The following PPP1R1C variants were observed in gnomAD, a reference collection of about 807,000 sequenced individuals.
The protein encoded by PPP1R1C is protein phosphatase 1 regulatory subunit 1C.
A neutral mutation model predicts 17.4 loss-of-function variants in PPP1R1C; 15 were observed. That is an observed-to-expected ratio of 0.86 (90% CI 0.58 to 1.33). The LOEUF (loss-of-function observed/expected upper bound fraction) is 1.33, where lower values mean the gene tolerates loss of function less well. PPP1R1C is among the 40% of genes most tolerant of loss of function. PPP1R1C has a pLI of 0.00. For missense variants in PPP1R1C, 143 were observed against 130.0 expected (o/e 1.10, Z -0.48); for synonymous variants, 35 against 43.1 (o/e 0.81, Z 0.73).
chr2:181,975,961 G>T (rs991165355), intron 2 of PPP1R1C, among the ~76,000 whole-genome samples: 8 of 151,462 alleles, frequency 5.3e-5, no homozygotes, highest in Admixed American at 1.3e-4. Context: ...TTTAAGAGAG[G>T]GTGTGAAAAA....
At chr2:182,065,965 G>A (rs1687971744) in intron 4 of PPP1R1C, among the ~76,000 whole-genome samples, 1 of 152,014 alleles carries the variant, frequency 6.6e-6, no homozygotes, top group Non-Finnish European at 1.5e-5. Context: ...CACTTTGCCT[G>A]TATCATTCTA....
At chr2:181,984,441 A>G (rs1214317359), upstream of PPP1R1C, among the ~76,000 whole-genome samples, 1 of 152,220 alleles carries the variant, frequency 6.6e-6, no homozygotes, top group Non-Finnish European at 1.5e-5. Context: ...TAATGATATC[A>G]ATTTAGATTT....
chr2:182,054,537 G>GA (rs1687624129), intron 2 of PPP1R1C, among the ~76,000 whole-genome samples: 1 of 151,110 alleles, frequency 6.6e-6, no homozygotes, highest in Non-Finnish European at 1.5e-5. Flanking sequence ...TATATGAATT[G>GA]AATTACACAG....
chr2:182,048,707 A>AT (rs923699554), intron 2 of PPP1R1C: 1 of 152,130 alleles, frequency 6.6e-6, no homozygotes, highest in Non-Finnish European at 1.5e-5. Flanking sequence ...CTTCTATGGA[A>AT]TTTTTTGTTT....
intron 4 of PPP1R1C, among the ~76,000 whole-genome samples, chr2:182,072,393 A>G (rs1688165651): frequency 6.6e-6 from 1 of 152,228 alleles, no homozygotes; most frequent in Admixed American, 6.5e-5. Context: ...AGATGTTTAT[A>G]ATACCTTACA....
chr2:181,981,591 C>T (rs758573037), upstream of PPP1R1C, among the ~76,000 whole-genome samples: 5 of 152,082 alleles, frequency 3.3e-5, no homozygotes, highest in Admixed American at 6.5e-5. Context: ...GGCCTCTTTG[C>T]CTCAATTAGG....
At chr2:182,000,106 C>T (rs1294026038) in intron 2 of PPP1R1C, among the ~76,000 whole-genome samples, 1 of 152,132 alleles carries the variant, frequency 6.6e-6, no homozygotes, top group African/African-American at 2.4e-5. Flanking sequence ...AGGTTTTGCA[C>T]GAGTAAGCAT....
chr2:182,095,510 G>C (rs570670293), intron 4 of PPP1R1C, among the ~76,000 whole-genome samples: 4 of 152,270 alleles, frequency 2.6e-5, no homozygotes, highest in Admixed American at 2.0e-4. Context: ...AATGTCAGCT[G>C]TCTTTTATTA....
intron 2 of PPP1R1C, among the ~76,000 whole-genome samples, chr2:182,013,007 AT>A (rs1006554823): frequency 6.6e-6 from 1 of 152,040 alleles, no homozygotes; most frequent in Non-Finnish European, 1.5e-5. Context: ...TGTAATTATA[AT>A]TTTTGATGGG....
intron 4 of PPP1R1C, among the ~76,000 whole-genome samples, chr2:182,095,063 G>A (rs983710398): frequency 2.6e-5 from 4 of 152,228 alleles, no homozygotes; most frequent in Admixed American, 2.0e-4. Context: ...GGCCGAGGCA[G>A]GCGGATCATG....
intron 1 of PPP1R1C, among the ~76,000 whole-genome samples, chr2:181,970,898 A>T (rs1684994780): frequency 6.6e-6 from 1 of 151,784 alleles, no homozygotes; most frequent in Non-Finnish European, 1.5e-5. Flanking sequence ...ACTGATGTTC[A>T]CTCAAGGCTC....
intron 2 of PPP1R1C, among the ~76,000 whole-genome samples, chr2:182,054,487 T>C (rs754345733): frequency 2.6e-5 from 4 of 152,184 alleles, no homozygotes; most frequent in Non-Finnish European, 4.4e-5. Flanking sequence ...ACTACTAATC[T>C]CTTCTCCATC....
rs950514734 is a variant in PPP1R1C, at chr2:182,051,085, G to T, written c.143-10357G>T. 2.6e-5 allele frequency among the ~76,000 whole-genome samples: 4 copies of T among 152,214 alleles called. No homozygotes were observed. The East Asian group carries it at 5.8e-4, about 22-fold the overall frequency. ...TCACCTGAATACTTTGAATTTCATGGAGGAAATTGATGGAGAAAGGTGCGG... is the reference window on the plus strand; with the variant it reads ...TCACCTGAATACTTTGAATTTCATGTAGGAAATTGATGGAGAAAGGTGCGG... On this transcript the variant is annotated intron_variant, in intron 2 of 4. Transcript: ENST00000682840.
chr2:181,987,856 T>C lies in PPP1R1C; in HGVS notation c.99T>C (p.Pro33=). 6.2e-7 allele frequency: 1 copy of C among 1,613,454 alleles called. No homozygotes were observed. Among genetic ancestry groups the C allele is most frequent in the Non-Finnish European group, 8.5e-7 (1 of 1,179,572 alleles). The part of the protein sequence containing the change: ...EAAEQIRKRR[P]TPASLVILNE... The stretch of plus-strand genomic sequence containing the variant: ...GTTCACAGATCAGGAAAAGAAGACC[T>C]ACACCAGCATCACTTGTGATTCTCA... Residue 33 remains proline, a synonymous_variant, in exon 2 of 5, where the codon CCT becomes CCC. Coordinates refer to ENST00000682840, the MANE Select transcript of PPP1R1C (RefSeq NM_001080545.3).
downstream of PPP1R1C, among the ~76,000 whole-genome samples, chr2:182,119,898 G>C (rs927882896): frequency 1.1e-4 from 16 of 152,172 alleles, no homozygotes; most frequent in Admixed American, 5.2e-4. Context: ...TGTGCAGAAG[G>C]TCTTTAGTTT....
chr2:182,001,651 A>G (rs1005149120), intron 2 of PPP1R1C, among the ~76,000 whole-genome samples: 10 of 152,210 alleles, frequency 6.6e-5, no homozygotes, highest in African/African-American at 2.2e-4. Flanking sequence ...AACTTAAATT[A>G]TTTCCTTTGT....
chr2:182,126,908 G>A (rs1244989283), intron 5 of PPP1R1C, among the ~76,000 whole-genome samples: 2 of 152,014 alleles, frequency 1.3e-5, no homozygotes, highest in African/African-American at 4.8e-5. Context: ...TCTTGATGAA[G>A]TAAATTAAAA....
intron 4 of PPP1R1C, chr2:182,103,555 GAGCC>G (rs1159195999): frequency 6.6e-6 from 1 of 152,188 alleles, no homozygotes; most frequent in East Asian, 1.9e-4. Context: ...GTAGGTCAGC[GAGCC>G]CCCTGGCGAA....
chr2:182,111,944 G>T (rs1297580487), intron 4 of PPP1R1C, among the ~76,000 whole-genome samples: 1 of 152,062 alleles, frequency 6.6e-6, no homozygotes, highest in Non-Finnish European at 1.5e-5. Flanking sequence ...CACCAGGTTT[G>T]CTGTTTCCCA....
Sources: allele counts gnomAD v4.1 joint callset (sites outside exome capture counted in the v4.1 genomes callset), GRCh38; gene constraint gnomAD v4.1.1; transcripts MANE v1.5; gene names NCBI Gene and HGNC (gene_info 2026-07-23, HGNC 2026-07-21).